Variants in KCNK2 observed in about 807,000 individuals in gnomAD.
KCNK2 encodes the protein potassium two pore domain channel subfamily K member 2, also known as potassium channel subfamily K member 2.
A neutral mutation model predicts 40.5 loss-of-function variants in KCNK2; 21 were observed. That is an observed-to-expected ratio of 0.52 (90% CI 0.37 to 0.75). The LOEUF is 0.75. KCNK2 is among the 30% of genes least tolerant of loss of function. The pLI, the probability that KCNK2 is intolerant of heterozygous loss-of-function variation, is 0.00. For synonymous variants in KCNK2, 191 were observed against 202.2 expected, an observed-to-expected ratio of 0.94 and a Z score of 0.47; for missense variants, 399 against 531.6, an observed-to-expected ratio of 0.75 and a Z score of 2.45.
At chr1:215,118,815 C>G (rs1034096234) in intron 2 of KCNK2, among the ~76,000 whole-genome samples, 2 of 152,044 alleles carry the variant, frequency 1.3e-5, no homozygotes, top group African/African-American at 4.8e-5. Context: ...TAGGTGTTAA[C>G]CCCTTGTACC....
intron 1 of KCNK2, among the ~76,000 whole-genome samples, chr1:215,048,205 T>C (rs1657852385): frequency 6.6e-6 from 1 of 152,190 alleles, no homozygotes; most frequent in Non-Finnish European, 1.5e-5. Flanking sequence ...TCACTACTAA[T>C]TACAGAAAAA....
chr1:215,207,234 C>G (rs1335075750), intron 6 of KCNK2, among the ~76,000 whole-genome samples: 1 of 152,160 alleles, frequency 6.6e-6, no homozygotes, highest in Non-Finnish European at 1.5e-5. Context: ...GGTGAGTGAG[C>G]ATTACTGCCT....
intron 1 of KCNK2, among the ~76,000 whole-genome samples, chr1:215,025,097 G>A (rs942092356): frequency 6.6e-6 from 1 of 152,032 alleles, no homozygotes. Context: ...GGGTCACAGT[G>A]CCTGGGTTCA....
intron 2 of KCNK2, among the ~76,000 whole-genome samples, chr1:215,096,982 G>A (rs141599820): frequency 3.3e-5 from 5 of 151,922 alleles, no homozygotes; most frequent in African/African-American, 1.2e-4. Flanking sequence ...TGGATCCTTA[G>A]AGATAGAAAA....
chr1:215,172,458 T>C (rs1330987699), intron 5 of KCNK2, among the ~76,000 whole-genome samples: 2 of 152,056 alleles, frequency 1.3e-5, no homozygotes, highest in East Asian at 3.9e-4. Flanking sequence ...CCTTGGCAAT[T>C]CTTGGCTTGC....
At position 215,156,384 on chromosome 1, in the gene KCNK2, G is replaced by T. The variant is rs180839296; in HGVS notation, c.476-12815G>T. On this transcript the variant is annotated intron_variant, in intron 3 of 6. Coordinates refer to ENST00000444842, the MANE Select transcript of KCNK2 (RefSeq NM_001017425.3). ...CCTTCCTTGAAAGTGATGTGAAAAA[G>T]AAATACTAACTTTTCTGTGTGATAT... Among the ~76,000 whole-genome samples, 79 of 152,252 alleles carry T rather than the reference G, an allele frequency of 5.2e-4. 1 individual carries two copies. Among genetic ancestry groups the T allele is most frequent in the South Asian group, 1.9e-3 (9 of 4,818 alleles).
At chr1:215,218,601 A>G (rs1378545785) in intron 6 of KCNK2, among the ~76,000 whole-genome samples, 1 of 152,124 alleles carries the variant, frequency 6.6e-6, no homozygotes. Context: ...CTCCATTTTC[A>G]GTCTCTATAC....
intron 1 of KCNK2, among the ~76,000 whole-genome samples, chr1:215,044,831 G>A (rs1319078075): frequency 6.8e-5 from 6 of 88,300 alleles, no homozygotes; most frequent in African/African-American, 1.3e-4. Flanking sequence ...GTGTGTGCGC[G>A]CGCACACGTG....
At chr1:215,043,574 G>T (rs1206421722) in intron 1 of KCNK2, among the ~76,000 whole-genome samples, 1 of 152,180 alleles carries the variant, frequency 6.6e-6, no homozygotes, top group South Asian at 2.1e-4. Context: ...GCACTTATAT[G>T]AGATACCTAG....
At chr1:215,012,269 C>T (rs1450267986) in intron 1 of KCNK2, among the ~76,000 whole-genome samples, 3 of 152,088 alleles carry the variant, frequency 2.0e-5, no homozygotes, top group Non-Finnish European at 2.9e-5. Flanking sequence ...GTCCACCAGC[C>T]GGGTACGAGG....
chr1:215,171,182 C>T (rs575720531), intron 4 of KCNK2, among the ~76,000 whole-genome samples: 1 of 152,100 alleles, frequency 6.6e-6, no homozygotes, highest in African/African-American at 2.4e-5. Flanking sequence ...TAACTAGCCT[C>T]GAATAGAAAT....
At chr1:215,086,326 C>G in intron 1 of KCNK2, 42 bp from the exon 2 acceptor site, 7 of 1,520,098 alleles carry the variant, frequency 4.6e-6, no homozygotes, top group Non-Finnish European at 3.6e-6. Flanking sequence ...CAATTCCCTT[C>G]TCATCTCCTC....
intron 3 of KCNK2, among the ~76,000 whole-genome samples, chr1:215,131,922 A>C (rs1195652280): frequency 6.6e-6 from 1 of 152,194 alleles, no homozygotes; most frequent in African/African-American, 2.4e-5. Context: ...CCTAGATTGA[A>C]TTGCTAAAGC....
At chr1:215,086,322 C>T (rs1194613404) in intron 1 of KCNK2, 46 bp from the exon 2 acceptor site, 2 of 1,487,074 alleles carry the variant, frequency 1.3e-6, no homozygotes, top group Admixed American at 3.4e-5. Flanking sequence ...CGACCAATTC[C>T]CTTCTCATCT....
chr1:215,174,072 TA>T (rs1393597091), intron 5 of KCNK2, among the ~76,000 whole-genome samples: 3 of 152,220 alleles, frequency 2.0e-5, no homozygotes, highest in African/African-American at 7.2e-5. Context: ...CGGTATTGCC[TA>T]GGTTTTCTTC....
At chr1:215,136,649 C>A (rs1445223309) in intron 3 of KCNK2, among the ~76,000 whole-genome samples, 1 of 152,086 alleles carries the variant, frequency 6.6e-6, no homozygotes, top group Non-Finnish European at 1.5e-5. Flanking sequence ...GCTAAGAGAC[C>A]TTTGCAGGTG....
intron 5 of KCNK2, among the ~76,000 whole-genome samples, chr1:215,177,741 T>TATATATATATA (rs1553270860): frequency 4.9e-4 from 10 of 20,606 alleles, no homozygotes; most frequent in Non-Finnish European, 9.1e-4. Flanking sequence ...TATATATATA[T>TATATATATATA]TTTTTTTTTT....
intron 4 of KCNK2, among the ~76,000 whole-genome samples, chr1:215,169,945 C>T (rs1224684358): frequency 6.6e-6 from 1 of 152,038 alleles, no homozygotes. Context: ...CGTGCCCAGC[C>T]AGATTTAAAT....
chr1:215,024,513 G>C (rs1347181350), intron 1 of KCNK2, among the ~76,000 whole-genome samples: 1 of 152,120 alleles, frequency 6.6e-6, no homozygotes, highest in Non-Finnish European at 1.5e-5. Flanking sequence ...CTCTAGCCCA[G>C]GTTATTGAAG....
Sources: allele counts gnomAD v4.1 joint callset (sites outside exome capture counted in the v4.1 genomes callset), GRCh38; gene constraint gnomAD v4.1.1; transcripts MANE v1.5; gene names NCBI Gene and HGNC (gene_info 2026-07-23, HGNC 2026-07-21).